Variants in TSPAN5 observed in about 807,000 individuals in gnomAD.
The protein encoded by TSPAN5 is tetraspanin-5.
In TSPAN5, 10 loss-of-function variants were observed where a neutral mutation model predicts 37.1. The ratio of observed to expected loss-of-function variants is 0.27; its 90% CI spans 0.17 to 0.46. TSPAN5 has a LOEUF of 0.46. Ranked by LOEUF, TSPAN5 falls within the 20% of genes least tolerant of loss-of-function variation. TSPAN5 has a pLI of 1.00. For missense variants in TSPAN5, 195 were observed against 326.6 expected, an observed-to-expected ratio of 0.60 and a Z score of 3.11; for synonymous variants, 110 against 118.9, an observed-to-expected ratio of 0.93 and a Z score of 0.48.
chr4:98,561,708 G>T (rs2110169364), intron 1 of TSPAN5, among the ~76,000 whole-genome samples: 1 of 152,330 alleles, frequency 6.6e-6, no homozygotes, highest in African/African-American at 2.4e-5. Flanking sequence ...GTGTTTCCAT[G>T]CTTGTGTGCT....
intron 1 of TSPAN5, among the ~76,000 whole-genome samples, chr4:98,537,490 C>A (rs1042307656): frequency 6.6e-6 from 1 of 152,198 alleles, no homozygotes. Context: ...ATTACTGAAC[C>A]CTGACAATGT....
rs776534512 is a variant in TSPAN5, at chr4:98,555,717, T to C, written c.82-47989A>G. Among the ~76,000 whole-genome samples, 29 of 152,132 alleles carry C rather than the reference T, an allele frequency of 1.9e-4. 1 individual carries two copies. Among genetic ancestry groups the C allele is most frequent in the Admixed American group, 3.9e-4 (6 of 15,274 alleles). ...GTAAATATAGAAATAAGTAAACAAG[T>C]AGTTAAAAATTAAAAATTAGCTTGA... On this transcript the variant is annotated intron_variant, in intron 1 of 7. Transcript: ENST00000305798.
At chr4:98,613,017 C>G (rs528261950) in intron 1 of TSPAN5, among the ~76,000 whole-genome samples, 45 of 152,290 alleles carry the variant, frequency 3.0e-4, no homozygotes, top group Admixed American at 5.2e-4. Flanking sequence ...ATCTGGCTTC[C>G]TCACAGACGT....
At chr4:98,562,202 C>G (rs893305057) in intron 1 of TSPAN5, among the ~76,000 whole-genome samples, 5 of 152,264 alleles carry the variant, frequency 3.3e-5, no homozygotes, top group Middle Eastern at 3.4e-3. Context: ...TGATGGGAAA[C>G]AGTAAGGCCA....
intron 1 of TSPAN5, among the ~76,000 whole-genome samples, chr4:98,514,666 C>T (rs866619624): frequency 1.3e-5 from 2 of 152,126 alleles, no homozygotes; most frequent in Admixed American, 6.5e-5. Context: ...CAGTGTGGCC[C>T]GAGTGCACTC....
intron 1 of TSPAN5, among the ~76,000 whole-genome samples, chr4:98,515,672 C>T (rs1039292142): frequency 2.0e-5 from 3 of 152,088 alleles, no homozygotes; most frequent in South Asian, 4.2e-4. Context: ...TGGGGCCTGT[C>T]CTAACCAGAG....
chr4:98,513,724 T>C (rs1753664543), intron 1 of TSPAN5, among the ~76,000 whole-genome samples: 1 of 152,146 alleles, frequency 6.6e-6, no homozygotes, highest in Non-Finnish European at 1.5e-5. Flanking sequence ...TGAAGGACAG[T>C]TTTCTTTTCT....
chr4:98,604,087 A>T (rs1755947608), intron 1 of TSPAN5, among the ~76,000 whole-genome samples: 1 of 152,134 alleles, frequency 6.6e-6, no homozygotes, highest in Non-Finnish European at 1.5e-5. Flanking sequence ...AGCATGAAAA[A>T]AAAAAGAGAG....
intron 1 of TSPAN5, among the ~76,000 whole-genome samples, chr4:98,604,514 G>A (rs973677962): frequency 6.6e-6 from 1 of 152,212 alleles, no homozygotes; most frequent in Non-Finnish European, 1.5e-5. Context: ...GACATGATAT[G>A]TATTAATGGG....
chr4:98,476,541 T>C, intron 5 of TSPAN5, 81 bp from the exon 6 acceptor site: 1 of 1,297,400 alleles, frequency 7.7e-7, no homozygotes, highest in Non-Finnish European at 1.1e-6. Context: ...AGACTTCTGT[T>C]ACGCATTAGT....
intron 1 of TSPAN5, among the ~76,000 whole-genome samples, chr4:98,576,395 A>C (rs1755237214): frequency 6.6e-6 from 1 of 152,192 alleles, no homozygotes; most frequent in Admixed American, 6.5e-5. Context: ...CAACCAAATT[A>C]GATTGTCTGA....
At chr4:98,519,759 G>C (rs114147526) in intron 1 of TSPAN5, among the ~76,000 whole-genome samples, 1 of 152,196 alleles carries the variant, frequency 6.6e-6, no homozygotes, top group African/African-American at 2.4e-5. Flanking sequence ...GAAAGATTCT[G>C]ACTCTTGCAC....
At chr4:98,527,017 C>G (rs1753977059) in intron 1 of TSPAN5, among the ~76,000 whole-genome samples, 1 of 152,192 alleles carries the variant, frequency 6.6e-6, no homozygotes, top group Non-Finnish European at 1.5e-5. Flanking sequence ...ATCAAAGAAT[C>G]TGGATTTTGT....
At chr4:98,636,133 C>T (rs1339208820) in intron 1 of TSPAN5, among the ~76,000 whole-genome samples, 1 of 152,126 alleles carries the variant, frequency 6.6e-6, no homozygotes, top group South Asian at 2.1e-4. Flanking sequence ...TCATTTAAAG[C>T]AGAGGTAAGC....
intron 5 of TSPAN5, 27 bp downstream of exon 5, chr4:98,478,658 G>T (rs756189500): frequency 8.7e-6 from 14 of 1,614,008 alleles, no homozygotes; most frequent in Non-Finnish European, 1.2e-5. Flanking sequence ...TACAGAGTAG[G>T]CCAATAGTTC....
chr4:98,653,912 C>T (rs565339075), intron 1 of TSPAN5, among the ~76,000 whole-genome samples: 17 of 152,184 alleles, frequency 1.1e-4, no homozygotes, highest in Non-Finnish European at 2.4e-4. Flanking sequence ...TAATTCTTCA[C>T]CCTTTGAAAT....
At chr4:98,623,846 C>T (rs1490925650) in intron 1 of TSPAN5, among the ~76,000 whole-genome samples, 2 of 152,106 alleles carry the variant, frequency 1.3e-5, no homozygotes, top group East Asian at 3.9e-4. Context: ...TACATATATA[C>T]AATTCCATGT....
chr4:98,632,577 C>A (rs550250860), intron 1 of TSPAN5, among the ~76,000 whole-genome samples: 2 of 152,280 alleles, frequency 1.3e-5, no homozygotes, highest in South Asian at 4.1e-4. Flanking sequence ...ACTTCGAAAA[C>A]CCTGCCCTGA....
intron 1 of TSPAN5, among the ~76,000 whole-genome samples, chr4:98,630,056 G>C (rs13435520): frequency 0.17 from 25,659 of 152,122 alleles, 2,436 homozygotes; most frequent in Admixed American, 0.23. Flanking sequence ...GACTGCATTT[G>C]GTGTGGTCAG....
Sources: allele counts gnomAD v4.1 joint callset (sites outside exome capture counted in the v4.1 genomes callset), GRCh38; gene constraint gnomAD v4.1.1; transcripts MANE v1.5; gene names NCBI Gene and HGNC (gene_info 2026-07-23, HGNC 2026-07-21).